CFAP299: variants seen among roughly 807,000 people sequenced by gnomAD.
The protein encoded by CFAP299 is cilia and flagella associated protein 299.
A neutral mutation model predicts 27.0 loss-of-function variants in CFAP299; 21 were observed. The ratio of observed to expected loss-of-function variants is 0.78; its 90% CI spans 0.55 to 1.12. The LOEUF is 1.12. CFAP299 is among the 50% of genes most tolerant of loss of function. The pLI, the probability that CFAP299 is intolerant of heterozygous loss-of-function variation, is 0.00. For missense variants in CFAP299, 310 were observed against 276.6 expected (o/e 1.12, Z -0.86); for synonymous variants, 104 against 98.1 (o/e 1.06, Z -0.36).
chr4:80,838,830 G>A (rs1283021550), intron 3 of CFAP299, among the ~76,000 whole-genome samples: 2 of 151,952 alleles, frequency 1.3e-5, no homozygotes, highest in Non-Finnish European at 2.9e-5. Flanking sequence ...CTATTGAGTG[G>A]ATATGTTGCC....
intron 2 of CFAP299, among the ~76,000 whole-genome samples, chr4:80,385,365 TAAACATA>T (rs767566688): frequency 8.5e-5 from 13 of 152,236 alleles, no homozygotes; most frequent in Non-Finnish European, 1.3e-4. Flanking sequence ...TACATTTATT[TAAACATA>T]TGGTTTTCTA....
intron 3 of CFAP299, among the ~76,000 whole-genome samples, chr4:80,643,054 T>C (rs1234508896): frequency 1.3e-5 from 2 of 151,994 alleles, no homozygotes; most frequent in African/African-American, 4.8e-5. Context: ...CCCAGCACTT[T>C]GGGAGGCCGA....
At chr4:80,527,713 C>T (rs952050803) in intron 2 of CFAP299, among the ~76,000 whole-genome samples, 3 of 152,204 alleles carry the variant, frequency 2.0e-5, no homozygotes, top group African/African-American at 7.2e-5. Context: ...TTTCTCTTTG[C>T]CTGGCCTGAC....
intron 3 of CFAP299, among the ~76,000 whole-genome samples, chr4:80,735,906 A>T (rs190416408): frequency 6.6e-6 from 1 of 151,762 alleles, no homozygotes; most frequent in Admixed American, 6.6e-5. Context: ...TCTTTTTTTG[A>T]TGTGTCTTTT....
At position 80,583,134 on chromosome 4, in the gene CFAP299, T is replaced by C; in HGVS notation, c.284T>C (p.Leu95Pro). Reference protein sequence around the residue: ...SAGKDLQDNFLTALAMREEDN... With the variant: ...SAGKDLQDNFPTALAMREEDN... Reference sequence around the variant, plus strand: ...GGTAAAGACCTACAAGATAATTTTCTGACGGCCCTGGCAATGAGAGAAGAA... The same window carrying C: ...GGTAAAGACCTACAAGATAATTTTCCGACGGCCCTGGCAATGAGAGAAGAA... The change falls in exon 3 of 6, where the codon CTG becomes CCG. Residue 95 changes from leucine (L) to proline (P), a missense_variant. By Grantham distance (98) the Leu-to-Pro change is moderately conservative (BLOSUM62 -3). Transcript: ENST00000358105. 1 of 1,606,286 alleles carries C rather than the reference T, an allele frequency of 6.2e-7. No individual in the cohort carries two copies. The highest frequency in any genetic ancestry group is 8.5e-7 in the Non-Finnish European group (1 of 1,174,992).
intron 3 of CFAP299, among the ~76,000 whole-genome samples, chr4:80,665,358 A>T (rs1231456542): frequency 1.3e-5 from 2 of 152,178 alleles, no homozygotes; most frequent in African/African-American, 4.8e-5. Context: ...GATGATAGTC[A>T]TTTGCTCTTG....
At position 80,840,535 on chromosome 4, in the gene CFAP299, A is replaced by G. The variant is rs542742340; in HGVS notation, c.334-29458A>G. On this transcript the variant is annotated intron_variant, in intron 3 of 5. Transcript: ENST00000358105. ...TTTTATCTTCAGATCACAATTTTCT[A>G]TGTGCACATTGCCCTTAAACCACAT... Among the ~76,000 whole-genome samples the G allele has an allele frequency of 1.2e-3, 185 of 152,168 alleles. 1 individual carries two copies. The highest frequency in any genetic ancestry group is 4.1e-3 in the African/African-American group (171 of 41,556).
At chr4:80,903,533 C>T (rs1735037872) in intron 4 of CFAP299, among the ~76,000 whole-genome samples, 1 of 152,010 alleles carries the variant, frequency 6.6e-6, no homozygotes, top group Non-Finnish European at 1.5e-5. Flanking sequence ...TCACCCATAA[C>T]TTTACCACCC....
intron 3 of CFAP299, among the ~76,000 whole-genome samples, chr4:80,752,589 T>C (rs764721153): frequency 6.6e-6 from 1 of 151,352 alleles, no homozygotes. Context: ...GCTTTTTTTA[T>C]CTGTTTGAAA....
intron 2 of CFAP299, among the ~76,000 whole-genome samples, chr4:80,381,920 C>G (rs561719012): frequency 6.6e-6 from 1 of 152,258 alleles, no homozygotes; most frequent in African/African-American, 2.4e-5. Flanking sequence ...TATCTATCAG[C>G]TATCTATAGT....
intron 3 of CFAP299, among the ~76,000 whole-genome samples, chr4:80,622,812 T>TA (rs1738676358): frequency 6.6e-6 from 1 of 152,090 alleles, no homozygotes; most frequent in Admixed American, 6.6e-5. Context: ...TCACATCATC[T>TA]AAAAAAACTC....
At chr4:80,608,885 GTGTGTA>G (rs997952626) in intron 3 of CFAP299, among the ~76,000 whole-genome samples, 8 of 151,560 alleles carry the variant, frequency 5.3e-5, no homozygotes, top group South Asian at 2.1e-4. Context: ...GTGTGTGTGT[GTGTGTA>G]TGTGCACAGA....
intron 3 of CFAP299, among the ~76,000 whole-genome samples, chr4:80,644,525 C>G (rs1296766411): frequency 1.3e-5 from 2 of 152,154 alleles, no homozygotes; most frequent in African/African-American, 2.4e-5. Context: ...TCTTTATTGA[C>G]ACTTTGCACG....
At chr4:80,471,663 A>C (rs1730003354) in intron 2 of CFAP299, among the ~76,000 whole-genome samples, 1 of 151,724 alleles carries the variant, frequency 6.6e-6, no homozygotes, top group African/African-American at 2.4e-5. Context: ...TAATTTTGCA[A>C]TTGAAAACAA....
At chr4:80,401,229 T>G (rs571633473) in intron 2 of CFAP299, among the ~76,000 whole-genome samples, 1 of 152,266 alleles carries the variant, frequency 6.6e-6, no homozygotes, top group South Asian at 2.1e-4. Context: ...GCTGCAGAAA[T>G]TTGCATAAGT....
intron 3 of CFAP299, among the ~76,000 whole-genome samples, chr4:80,624,159 C>T (rs1277696412): frequency 6.6e-6 from 1 of 151,806 alleles, no homozygotes; most frequent in East Asian, 1.9e-4. Flanking sequence ...TTGACTGTTC[C>T]TAAAAATAGA....
At chr4:80,730,379 T>C (rs557651033) in intron 3 of CFAP299, among the ~76,000 whole-genome samples, 12 of 151,670 alleles carry the variant, frequency 7.9e-5, no homozygotes, top group African/African-American at 2.9e-4. Context: ...CACTTCCACA[T>C]TGTGGTTGTG....
intron 3 of CFAP299, among the ~76,000 whole-genome samples, chr4:80,724,517 C>G (rs1374739114): frequency 6.6e-6 from 1 of 151,996 alleles, no homozygotes; most frequent in Non-Finnish European, 1.5e-5. Flanking sequence ...CAACTATAGC[C>G]TCTTTTTGGA....
At chr4:80,545,709 A>C (rs929917242) in intron 2 of CFAP299, among the ~76,000 whole-genome samples, 1 of 152,196 alleles carries the variant, frequency 6.6e-6, no homozygotes, top group Non-Finnish European at 1.5e-5. Flanking sequence ...CATTGCAAAA[A>C]ATCAAGGAGG....
Sources: gnomAD v4.1 joint callset for allele counts (sites outside exome capture counted in the v4.1 genomes callset) on GRCh38, gnomAD v4.1.1 for gene constraint, MANE v1.5 for transcripts, NCBI Gene and HGNC (gene_info 2026-07-23, HGNC 2026-07-21) for gene names.